Variants in OTOF observed in about 807,000 individuals in gnomAD.
OTOF encodes fer-1-like family member 2.
OTOF carries 218 observed loss-of-function variants against 236.8 expected under a neutral mutation model. The ratio of observed to expected loss-of-function variants is 0.92; its 90% CI spans 0.82 to 1.03. OTOF has a LOEUF of 1.03. Ranked by LOEUF, OTOF falls within the 50% of genes least tolerant of loss-of-function variation. OTOF has a pLI of 0.00. For synonymous variants in OTOF, 1,041 were observed against 1,072.5 expected, an observed-to-expected ratio of 0.97 and a Z score of 0.57; for missense variants, 2,590 against 2,694.4, an observed-to-expected ratio of 0.96 and a Z score of 0.86.
At chr2:26,510,777 A>G in intron 5 of OTOF, 1 of 1,282,112 alleles carries the variant, frequency 7.8e-7, no homozygotes. Flanking sequence ...ATGAGGAGAC[A>G]AGGGGACACG....
intron 2 of OTOF, among the ~76,000 whole-genome samples, chr2:26,536,639 G>A (rs1382495966): frequency 6.6e-6 from 1 of 152,148 alleles, no homozygotes; most frequent in Non-Finnish European, 1.5e-5. Flanking sequence ...TGGCTGCTCA[G>A]CCGAACGCCA....
chr2:26,466,019 G>T lies in OTOF; in HGVS notation c.4558C>A (p.Arg1520=), dbSNP rs552370678. The T allele has an allele frequency of 7.2e-5, 116 of 1,614,104 alleles. No individual in the cohort carries two copies. Among genetic ancestry groups the T allele is most frequent in the Non-Finnish European group, 8.8e-5 (104 of 1,180,050 alleles). The change falls in exon 37 of 47, where the codon CGG becomes AGG. Residue 1520 remains arginine, a synonymous_variant. Coordinates refer to ENST00000272371, the MANE Select transcript of OTOF (RefSeq NM_194248.3). ...NGKADPYIAI[R]LGKTDIRDKE... is the part of the protein sequence containing the mutation. ...TCGCGGATGTCAGTCTTGCCTAGCC[G>T]GATGGCGATGTAGGGGTCAGCTTTG... is the stretch of plus-strand genomic sequence containing the variant.
chr2:26,534,364 G>A (rs1190505370), intron 2 of OTOF, among the ~76,000 whole-genome samples: 1 of 152,194 alleles, frequency 6.6e-6, no homozygotes, highest in Non-Finnish European at 1.5e-5. Flanking sequence ...AGGTCACAAA[G>A]GCTGGGTCTT....
rs553276986 is a variant in OTOF at position 26,522,281 on chromosome 2, G to A, written c.228-3172C>T. On this transcript the variant is annotated intron_variant, in intron 3 of 46. Coordinates refer to ENST00000272371, the MANE Select transcript of OTOF (RefSeq NM_194248.3). Reference sequence around the variant, plus strand: ...AGCCTTATGTAAAGTATAAAGAAAAGCAGTTTTATAAACCTTGACTCTTTC... The same window carrying A: ...AGCCTTATGTAAAGTATAAAGAAAAACAGTTTTATAAACCTTGACTCTTTC... Among the ~76,000 whole-genome samples the A allele has an allele frequency of 3.9e-5, 6 of 152,308 alleles. No individual in the cohort carries two copies. The South Asian group carries it at 1.0e-3, about 26-fold the overall frequency.
intron 46 of OTOF, among the ~76,000 whole-genome samples, chr2:26,459,426 C>T (rs931361664): frequency 1.3e-5 from 2 of 152,032 alleles, no homozygotes; most frequent in Non-Finnish European, 2.9e-5. Context: ...GTGGCGGGTG[C>T]CTGTAGTCCC....
At chr2:26,553,461 G>A (rs1667511420) in intron 1 of OTOF, among the ~76,000 whole-genome samples, 2 of 152,168 alleles carry the variant, frequency 1.3e-5, no homozygotes. Context: ...CTCTAAGTAA[G>A]CTGTCATCCT....
intron 1 of OTOF, among the ~76,000 whole-genome samples, chr2:26,544,141 T>G (rs150034120): frequency 2.6e-4 from 40 of 152,386 alleles, no homozygotes; most frequent in Middle Eastern, 6.8e-3. Context: ...TTCCTCATCT[T>G]ATATAATATT....
chr2:26,553,998 C>T (rs1325023649), intron 1 of OTOF, among the ~76,000 whole-genome samples: 1 of 152,006 alleles, frequency 6.6e-6, no homozygotes, highest in Non-Finnish European at 1.5e-5. Flanking sequence ...TGGTGAAACA[C>T]CGTCTCTACT....
At chr2:26,498,495 G>A (rs907954912) in intron 8 of OTOF, among the ~76,000 whole-genome samples, 24 of 152,220 alleles carry the variant, frequency 1.6e-4, no homozygotes, top group African/African-American at 5.8e-4. Flanking sequence ...ATTCTCCAGG[G>A]TTCTGGGGGA....
rs1213668112 is a variant in OTOF at position 26,464,899 on chromosome 2, T to C, written c.4930A>G (p.Thr1644Ala). 1 of 1,600,778 alleles carries C rather than the reference T, an allele frequency of 6.2e-7. No homozygotes were observed. Among genetic ancestry groups the C allele is most frequent in the Non-Finnish European group, 8.5e-7 (1 of 1,173,416 alleles). ...GRVKVANRVF[T>A]GPSEIEDENG... Reference sequence around the variant, plus strand: ...TCGTCCTCAATCTCAGAGGGCCCAGTGAAGACGCGGTTGGCCACCTTCACT... The same window carrying C: ...TCGTCCTCAATCTCAGAGGGCCCAGCGAAGACGCGGTTGGCCACCTTCACT... The change falls in exon 39 of 47, where the codon ACT (threonine) becomes GCT (alanine). Residue 1644 changes from threonine (T) to alanine (A), a missense_variant. Transcript: ENST00000272371.
chr2:26,483,660 T>TA lies in OTOF; in HGVS notation c.1206-13dup. ...GGAGCAGCAAGTTCCTGCCAGCACA[T>TA]ACAGCCAGGGCCATGGTCACCAGGT... On this transcript the variant is annotated splice_polypyrimidine_tract_variant and intron_variant, in intron 12 of 46. Transcript: ENST00000272371. 6.2e-7 allele frequency: 1 copy of TA among 1,610,952 alleles called. No homozygotes were observed.
At chr2:26,535,876 G>A (rs1667057305) in intron 2 of OTOF, among the ~76,000 whole-genome samples, 2 of 152,340 alleles carry the variant, frequency 1.3e-5, no homozygotes, top group African/African-American at 4.8e-5. Flanking sequence ...AACTTTGAAT[G>A]TCGTGCATAC....
chr2:26,476,977 G>C lies in OTOF; in HGVS notation c.2590C>G (p.Arg864Gly). Residue 864 changes from arginine (R) to glycine (G), a missense_variant, in exon 22 of 47, where the codon CGT (arginine) becomes GGT (glycine). Physicochemically the swap from Arg to Gly is moderately radical, Grantham distance 125. Transcript: ENST00000272371. ...MSNNKRVAYA[R>G]VPSKDLLFSI... is the part of the protein sequence containing the mutation. ...AAGAGCAGGTCCTTGGAGGGCACAC[G>C]GGCATAGGCGACACGCTTGTTGTTG... 6.2e-7 allele frequency: 1 copy of C among 1,611,750 alleles called. No individual in the cohort carries two copies. The highest frequency in any genetic ancestry group is 8.5e-7 in the Non-Finnish European group (1 of 1,179,390).
intron 11 of OTOF, among the ~76,000 whole-genome samples, chr2:26,488,460 C>T (rs995114891): frequency 2.0e-5 from 3 of 152,220 alleles, no homozygotes; most frequent in African/African-American, 7.2e-5. Context: ...GCCCACCTCA[C>T]AAGCCCTCTG....
rs188535417 is a variant in OTOF, at chr2:26,461,268, C to T, written c.5534-238G>A. On this transcript the variant is annotated intron_variant, in intron 43 of 46. Transcript: ENST00000272371. This position sits in a 1 kb window ranked among gnomAD's most constrained non-coding sequence, Gnocchi z 6.2. Reference sequence around the variant, plus strand: ...CTTCTTTCACCCCAGAGGGTCTCTCCTGGGGTCTCCCCTGCCACTCCCTGC... The same window carrying T: ...CTTCTTTCACCCCAGAGGGTCTCTCTTGGGGTCTCCCCTGCCACTCCCTGC... Among the ~76,000 whole-genome samples, 601 of 152,344 alleles carry T rather than the reference C, an allele frequency of 3.9e-3. 1 individual carries two copies. Among genetic ancestry groups the T allele is most frequent in the Admixed American group, 7.8e-3 (119 of 15,312 alleles).
intron 11 of OTOF, among the ~76,000 whole-genome samples, chr2:26,487,873 C>A (rs576030412): frequency 2.8e-4 from 42 of 152,336 alleles, no homozygotes; most frequent in African/African-American, 1.0e-3. Context: ...AGCAGGGCTG[C>A]CCTCCGCTGA....
chr2:26,526,334 A>G (rs1417523072), intron 3 of OTOF, among the ~76,000 whole-genome samples: 3 of 151,742 alleles, frequency 2.0e-5, no homozygotes, highest in Non-Finnish European at 4.4e-5. Flanking sequence ...TAGATGGATA[A>G]ATGGGTGGAT....
chr2:26,471,025 G>A (rs1572416329), intron 31 of OTOF, 96 bp downstream of exon 31: 1 of 1,477,684 alleles, frequency 6.8e-7, no homozygotes. Context: ...GGGGGCTGGG[G>A]CTGGCTCTGT....
chr2:26,463,134 G>T (rs1664559637), intron 41 of OTOF, among the ~76,000 whole-genome samples: 1 of 152,286 alleles, frequency 6.6e-6, no homozygotes. Context: ...GTCCGTGGGA[G>T]TGCTATGCTG....
Sources: allele counts gnomAD v4.1 joint callset (sites outside exome capture counted in the v4.1 genomes callset), GRCh38; gene constraint gnomAD v4.1.1; non-coding constraint Gnocchi (gnomAD v3.1); transcripts MANE v1.5; gene names NCBI Gene and HGNC (gene_info 2026-07-23, HGNC 2026-07-21).